The following ZNF732 variants were observed in gnomAD, a reference collection of about 807,000 sequenced individuals.
The protein encoded by ZNF732 is zinc finger protein 732.
A neutral mutation model predicts 11.5 loss-of-function variants in ZNF732; 12 were observed. The ratio of observed to expected loss-of-function variants is 1.05; its 90% CI spans 0.67 to 1.70. ZNF732 has a LOEUF of 1.70. ZNF732 is among the 40% of genes most tolerant of loss of function. The probability of loss-of-function intolerance (pLI) is 0.00; values close to 1 mark genes in which losing one functional copy is unlikely to be tolerated. For missense variants in ZNF732, 702 were observed against 676.9 expected, an observed-to-expected ratio of 1.04 and a Z score of -0.41; for synonymous variants, 231 against 236.5, an observed-to-expected ratio of 0.98 and a Z score of 0.21.
intron 3 of ZNF732, among the ~76,000 whole-genome samples, chr4:286,356 T>C (rs1719730764): frequency 6.6e-6 from 1 of 152,222 alleles, no homozygotes; most frequent in African/African-American, 2.4e-5. Flanking sequence ...TATTATCAAA[T>C]GAAGAGTAAT....
At position 287,406 on chromosome 4, in the gene ZNF732, G is replaced by A. The variant is rs953101730; in HGVS notation, c.226+8032C>T. ...ATTTTTGTATTTTTAGTAGAGACGG[G>A]GTTTCGCCATGTTGGCCAGGGTAGT... On this transcript the variant is annotated intron_variant, in intron 3 of 3. Transcript: ENST00000419098. Among the ~76,000 whole-genome samples the A allele has an allele frequency of 2.0e-5, 3 of 151,394 alleles. No homozygotes were observed. The East Asian group carries it at 6.0e-4, about 30-fold the overall frequency.
intron 3 of ZNF732, among the ~76,000 whole-genome samples, chr4:289,855 C>T (rs1343468522): frequency 6.6e-6 from 1 of 152,198 alleles, no homozygotes; most frequent in Non-Finnish European, 1.5e-5. Context: ...CCAGGCCCAC[C>T]TCCATGAGGG....
chr4:295,047 T>C (rs190853730), intron 3 of ZNF732, among the ~76,000 whole-genome samples: 1 of 152,172 alleles, frequency 6.6e-6, no homozygotes, highest in Non-Finnish European at 1.5e-5. Flanking sequence ...AATTCCAATA[T>C]GTCCACTACT....
chr4:297,264 C>CAA lies in ZNF732; in HGVS notation c.4-1111_4-1110dup, dbSNP rs782647760. The stretch of plus-strand genomic sequence containing the variant: ...CCTGGGCGACAGCGAGACTCCATCT[C>CAA]AAAAAAAAAAAAAACAACAAAAAAC... On this transcript the variant is annotated intron_variant, in intron 1 of 3. Transcript: ENST00000419098. 2.6e-3 allele frequency among the ~76,000 whole-genome samples: 300 copies of CAA among 113,954 alleles called. 1 individual carries two copies. The highest frequency in any genetic ancestry group is 9.1e-3 in the African/African-American group (283 of 31,126). The allele number at this position is 113,954 out of a possible 152,430, so 74.8% of individuals were successfully genotyped here.
In ZNF732 at chr4:282,315, CAGCCTGGTCA is replaced by C; in HGVS notation, c.227-9695_227-9686del. On this transcript the variant is annotated intron_variant, in intron 3 of 3. Coordinates refer to ENST00000419098, the MANE Select transcript of ZNF732 (RefSeq NM_001137608.3). ...TTGCTTGAGGCCAGGAGTTCAAAACCAGCCTGGTCAATATAGCAGGACCCTGTCTCTAAAA... is the reference window on the plus strand; with the variant it reads ...TTGCTTGAGGCCAGGAGTTCAAAACCATATAGCAGGACCCTGTCTCTAAAA... Among the ~76,000 whole-genome samples the C allele has an allele frequency of 2.6e-5, 4 of 152,184 alleles. No individual in the cohort carries two copies. The South Asian group carries it at 8.3e-4, about 32-fold the overall frequency.
At chr4:290,178 A>G (rs571334230) in intron 3 of ZNF732, among the ~76,000 whole-genome samples, 17 of 152,318 alleles carry the variant, frequency 1.1e-4, no homozygotes, top group East Asian at 5.8e-4. Flanking sequence ...TTGCTTGCCT[A>G]TAGTTAGGGT....
rs1236851565 is a variant in ZNF732, at chr4:275,457, CAG to C, written c.227-2829_227-2828del. 9.4e-4 allele frequency among the ~76,000 whole-genome samples: 143 copies of C among 151,754 alleles called. 2 individuals carry two copies. The highest frequency in any genetic ancestry group is 3.3e-3 in the African/African-American group (137 of 41,502). Reference sequence around the variant, plus strand: ...TGAAGTACCCAACAATCTTCAAAAACAGAAGCAATCTCAGAGGCTTCACAGCT... The same window carrying C: ...TGAAGTACCCAACAATCTTCAAAAACAAGCAATCTCAGAGGCTTCACAGCT... On this transcript the variant is annotated intron_variant, in intron 3 of 3. Coordinates refer to ENST00000419098, the MANE Select transcript of ZNF732 (RefSeq NM_001137608.3).
chr4:293,017 G>A (rs1320859213), intron 3 of ZNF732, among the ~76,000 whole-genome samples: 5 of 130,612 alleles, frequency 3.8e-5, no homozygotes, highest in African/African-American at 8.7e-5. Context: ...GCAGTGAGCC[G>A]AGATCGCGCC....
intron 3 of ZNF732, among the ~76,000 whole-genome samples, chr4:293,272 ATATG>A (rs1174240306): frequency 6.8e-6 from 1 of 146,582 alleles, no homozygotes; most frequent in Non-Finnish European, 1.5e-5. Context: ...ATATATGTAT[ATATG>A]TATGTGTATA....
At chr4:292,890 C>CAAAAAAAAAAAAAAAA (rs34118991) in intron 3 of ZNF732, among the ~76,000 whole-genome samples, 2 of 79,408 alleles carry the variant, frequency 2.5e-5, no homozygotes. Context: ...ACTAAAAACA[C>CAAAAAAAAAAAAAAAA]AAAAAAAAAA....
chr4:301,868 A>T (rs899037001), intron 1 of ZNF732, among the ~76,000 whole-genome samples: 3 of 152,220 alleles, frequency 2.0e-5, no homozygotes, highest in Admixed American at 6.5e-5. Context: ...AATGTATAAT[A>T]AAAAATATAT....
At chr4:273,338 A>G (rs1173937358) in intron 3 of ZNF732, among the ~76,000 whole-genome samples, 2 of 152,076 alleles carry the variant, frequency 1.3e-5, no homozygotes, top group African/African-American at 4.8e-5. Context: ...AACATTGTAA[A>G]GGTTGTGATA....
Position 272,535 on chromosome 4 carries a change from G to A in ZNF732, c.322C>T (p.His108Tyr). 1 of 1,603,608 alleles carries A rather than the reference G, an allele frequency of 6.2e-7. No individual in the cohort carries two copies. Residue 108 changes from histidine (H) to tyrosine (Y), a missense_variant, in exon 4 of 4, where the codon CAT (histidine) becomes TAT (tyrosine). His to Tyr is a moderately conservative substitution (Grantham distance 83, BLOSUM62 2). Coordinates refer to ENST00000419098, the MANE Select transcript of ZNF732 (RefSeq NM_001137608.3). ...LILRRYEKCG[H>Y]ENLELRKSCK... ...CTTTTTCTTAATTCTAAATTCTCAT[G>A]TCCACATTTCTCATATCTTCTTAAT... is the stretch of plus-strand genomic sequence containing the variant.
chr4:304,044 G>C (rs1199091442), intron 1 of ZNF732, among the ~76,000 whole-genome samples: 1 of 152,158 alleles, frequency 6.6e-6, no homozygotes, highest in African/African-American at 2.4e-5. Flanking sequence ...AAGGAAACAG[G>C]TTCCTGCTAT....
At chr4:279,675 G>A (rs553409818) in intron 3 of ZNF732, among the ~76,000 whole-genome samples, 1 of 152,116 alleles carries the variant, frequency 6.6e-6, no homozygotes, top group South Asian at 2.1e-4. Context: ...CTGTACACTT[G>A]AAAACCTTTA....
chr4:293,321 TACACAC>T (rs1471899176), intron 3 of ZNF732, among the ~76,000 whole-genome samples: 1 of 146,890 alleles, frequency 6.8e-6, no homozygotes, highest in African/African-American at 2.5e-5. Flanking sequence ...TATATATATA[TACACAC>T]ACACACAGTA....
chr4:289,942 A>C (rs1719806451), intron 3 of ZNF732, among the ~76,000 whole-genome samples: 1 of 152,076 alleles, frequency 6.6e-6, no homozygotes, highest in Non-Finnish European at 1.5e-5. Flanking sequence ...ACATGAAAAA[A>C]CTCAAACATC....
rs1320742979 is a variant in ZNF732, at chr4:271,127, T to C, written c.1730A>G (p.Asn577Ser). ...GAGTTTCTCTCCAGTATAAATTTTA[T>C]TATGTTGATTAAGGTATGAGGACCA... ...FKWSSYLNQH[N>S]KIYTGEKL The change falls in exon 4 of 4, where the codon AAT (asparagine) becomes AGT (serine). Residue 577 changes from asparagine (N) to serine (S), a missense_variant. Coordinates refer to ENST00000419098, the MANE Select transcript of ZNF732 (RefSeq NM_001137608.3). 3.3e-6 allele frequency: 5 copies of C among 1,518,776 alleles called. No individual in the cohort carries two copies. The African/African-American group carries it at 7.0e-5, about 21-fold the overall frequency. 94.1% of individuals were successfully genotyped at this position (1,518,776 alleles called of 1,614,324 possible).
At position 272,416 on chromosome 4, in the gene ZNF732, G is replaced by A. The variant is rs1553837931; in HGVS notation, c.441C>T (p.Val147=). 4 of 1,595,824 alleles carry A rather than the reference G, an allele frequency of 2.5e-6. No individual in the cohort carries two copies. In the East Asian group the frequency reaches 9.0e-5, roughly 36 times the overall value. The change falls in exon 4 of 4, where the codon GTC becomes GTT. Residue 147 remains valine (V), a synonymous_variant. Coordinates refer to ENST00000419098, the MANE Select transcript of ZNF732 (RefSeq NM_001137608.3). ...QSKIFQCNVH[V]KVFSTFSNSN... is the part of the protein sequence containing the mutation. ...AATTTGAAAATGTACTAAATACTTT[G>A]ACATGTACATTACACTGAAATATTT...
Sources: gnomAD v4.1 joint callset for allele counts (sites outside exome capture counted in the v4.1 genomes callset) on GRCh38, gnomAD v4.1.1 for gene constraint, MANE v1.5 for transcripts, NCBI Gene and HGNC (gene_info 2026-07-23, HGNC 2026-07-21) for gene names.